The following TENT4B variants were observed in gnomAD, a reference collection of about 807,000 sequenced individuals.
TENT4B encodes terminal nucleotidyltransferase 4B, also known as PAP associated domain containing 5.
TENT4B carries 10 observed loss-of-function variants against 75.0 expected under a neutral mutation model. That is an observed-to-expected ratio of 0.13 (90% CI 0.08 to 0.23). The LOEUF (loss-of-function observed/expected upper bound fraction) is 0.23. Among genes scored for constraint, TENT4B ranks in the 10% least tolerant of loss-of-function variants. The pLI is 1.00. For missense variants in TENT4B, 579 were observed against 893.8 expected (o/e 0.65, Z 4.49); for synonymous variants, 350 against 357.7 (o/e 0.98, Z 0.24).
chr16:50,229,115 A>G (rs765646480), intron 11 of TENT4B, 37 bp from the exon 12 acceptor site: 12 of 1,606,600 alleles, frequency 7.5e-6, no homozygotes. Flanking sequence ...CTTTTCTGCA[A>G]TACTGATGTC....
chr16:50,153,773 GCA>G lies in TENT4B; in HGVS notation c.153_154del (p.Ser51ArgfsTer165). 8.7e-7 allele frequency: 1 copy of G among 1,146,440 alleles called. No homozygotes were observed. The highest frequency in any genetic ancestry group is 4.6e-5 in the Admixed American group (1 of 21,608). The allele number at this position is 1,146,440 out of a possible 1,614,324, so 71.0% of individuals were successfully genotyped here. A position where few individuals can be genotyped will look rare whatever the true frequency, so the allele number is the denominator to read the frequency against. ...GGCGGCGCGAGCGGCGGCGGCGGCAGCAGCAGCAGCAGCAGCACGGCCACCGG... is the reference window on the plus strand; with the variant it reads ...GGCGGCGCGAGCGGCGGCGGCGGCAGGCAGCAGCAGCAGCACGGCCACCGG... On this transcript the variant is annotated frameshift_variant, in exon 1 of 12. Transcript: ENST00000561678. LOFTEE classifies it high-confidence loss of function.
At chr16:50,154,456 A>C in intron 1 of TENT4B, among the ~76,000 whole-genome samples, 197 bp downstream of exon 1, 1 of 143,426 alleles carries the variant, frequency 7.0e-6, no homozygotes, top group Non-Finnish European at 1.5e-5. Flanking sequence ...TTAGCCGTCC[A>C]CACCCTCCGT....
chr16:50,215,999 GTC>G, intron 3 of TENT4B, 74 bp from the exon 4 acceptor site: 3 of 1,561,780 alleles, frequency 1.9e-6, no homozygotes, highest in Non-Finnish European at 8.8e-7. Context: ...TACTAATGAA[GTC>G]TATAAGCATG....
chr16:50,222,193 A>G (rs979222316), intron 5 of TENT4B, 113 bp from the exon 6 acceptor site: 2 of 939,080 alleles, frequency 2.1e-6, no homozygotes, highest in African/African-American at 1.7e-5. Context: ...AAAATTAAGT[A>G]TGTTGTATAT....
In TENT4B at chr16:50,194,174, CT is replaced by C. The variant is rs200158672; in HGVS notation, c.639-17148del. Among the ~76,000 whole-genome samples, 15 of 151,000 alleles carry C rather than the reference CT, an allele frequency of 9.9e-5. No individual in the cohort carries two copies. In the East Asian group the frequency reaches 2.9e-3, roughly 29 times the overall value. On this transcript the variant is annotated intron_variant, in intron 1 of 11. Coordinates refer to ENST00000561678, the MANE Select transcript of TENT4B (RefSeq NM_001365324.3). Reference sequence around the variant, plus strand: ...TTTTTCTCTTTTGAGATAGTATCTTCTCTCTCTTTTCTTTTTTCTGTTCTTT... The same window carrying C: ...TTTTTCTCTTTTGAGATAGTATCTTCCTCTCTTTTCTTTTTTCTGTTCTTT...
At chr16:50,194,590 G>T (rs1231648485) in intron 1 of TENT4B, among the ~76,000 whole-genome samples, 1 of 151,036 alleles carries the variant, frequency 6.6e-6, no homozygotes, top group Non-Finnish European at 1.5e-5. Context: ...TTGCTCTGTT[G>T]CCCAGGCTGA....
At position 50,229,675 on chromosome 16, in the gene TENT4B, G is replaced by A. The variant is rs2032213889; in HGVS notation, c.*347G>A. ...TTATAGGGAATAGTATTCAGTGTTG[G>A]TAGGGTGATAGAAACAAAAAACAGT... On this transcript the variant is annotated 3_prime_UTR_variant, in exon 12 of 12. Coordinates refer to ENST00000561678, the MANE Select transcript of TENT4B (RefSeq NM_001365324.3). 2.0e-6 allele frequency: 2 copies of A among 1,004,218 alleles called. No individual in the cohort carries two copies. The highest frequency in any genetic ancestry group is 1.2e-4 in the Admixed American group (2 of 16,720). The allele number at this position is 1,004,218 out of a possible 1,614,324, so 62.2% of individuals were successfully genotyped here. A position where few individuals can be genotyped will look rare whatever the true frequency, so the allele number is the denominator to read the frequency against.
intron 1 of TENT4B, among the ~76,000 whole-genome samples, chr16:50,168,467 ATTTTTTTT>A (rs61664898): frequency 2.4e-5 from 3 of 123,362 alleles, no homozygotes; most frequent in Non-Finnish European, 5.1e-5. Flanking sequence ...CACCCAGCTA[ATTTTTTTT>A]TTTTTTTTTT....
intron 1 of TENT4B, among the ~76,000 whole-genome samples, chr16:50,180,764 G>A (rs370961605): frequency 1.8e-4 from 27 of 151,768 alleles, no homozygotes; most frequent in South Asian, 1.7e-3. Flanking sequence ...GCCCAAAGGC[G>A]CTATTAAACT....
Position 50,186,983 on chromosome 16 carries a change from A to G in TENT4B, c.639-24340A>G, listed in dbSNP as rs2038540697. The stretch of plus-strand genomic sequence containing the variant: ...ACTTTGTTGCCCAGGCTGGTCTTGA[A>G]CTCCTGGCTTCAAGCAATCCTCCTA... On this transcript the variant is annotated intron_variant, in intron 1 of 11. Coordinates refer to ENST00000561678, the MANE Select transcript of TENT4B (RefSeq NM_001365324.3). Among the ~76,000 whole-genome samples, 4 of 150,590 alleles carry G rather than the reference A, an allele frequency of 2.7e-5. No individual in the cohort carries two copies. In the South Asian group the frequency reaches 8.4e-4, roughly 32 times the overall value.
At chr16:50,214,336 A>G (rs2031439395) in intron 3 of TENT4B, 69 bp downstream of exon 3, 2 of 1,268,816 alleles carry the variant, frequency 1.6e-6, no homozygotes, top group Non-Finnish European at 2.2e-6. Flanking sequence ...TCAAATTTGT[A>G]AGGAGTAGAA....
chr16:50,182,890 C>CTTTTTTTT, intron 1 of TENT4B, among the ~76,000 whole-genome samples: 1 of 8,266 alleles, frequency 1.2e-4, no homozygotes, highest in South Asian at 5.8e-3. Context: ...TTTTATTTTA[C>CTTTTTTTT]CTTTTTTTTT....
chr16:50,194,995 T>C (rs2541559), intron 1 of TENT4B, among the ~76,000 whole-genome samples: 101,062 of 151,626 alleles, frequency 0.67, 35,561 homozygotes, highest in Non-Finnish European at 0.76. Flanking sequence ...GTGATCCGCC[T>C]GCCTCGGCCT....
In TENT4B at chr16:50,234,870, G is replaced by C. The variant is rs905675388; in HGVS notation, c.*5542G>C. On this transcript the variant is annotated 3_prime_UTR_variant, in exon 12 of 12. Coordinates refer to ENST00000561678, the MANE Select transcript of TENT4B (RefSeq NM_001365324.3). Reference sequence around the variant, plus strand: ...TAGATAACGTGTATTTAGAAACTTTGGTGAAGCCAGTATTTGTTTTTAGTA... The same window carrying C: ...TAGATAACGTGTATTTAGAAACTTTCGTGAAGCCAGTATTTGTTTTTAGTA... The C allele has an allele frequency of 4.1e-6, 4 of 985,598 alleles. No homozygotes were observed. The African/African-American group carries it at 7.0e-5, about 17-fold the overall frequency. The allele number at this position is 985,598 out of a possible 1,614,324, so 61.1% of individuals were successfully genotyped here. A position where few individuals can be genotyped will look rare whatever the true frequency, so the allele number is the denominator to read the frequency against.
At chr16:50,205,341 G>A (rs1032925096) in intron 1 of TENT4B, among the ~76,000 whole-genome samples, 4 of 151,976 alleles carry the variant, frequency 2.6e-5, no homozygotes, top group Non-Finnish European at 5.9e-5. Flanking sequence ...TGTTTCAAAA[G>A]TGGACAAATA....
At chr16:50,189,062 C>T (rs1259292006) in intron 1 of TENT4B, among the ~76,000 whole-genome samples, 4 of 152,046 alleles carry the variant, frequency 2.6e-5, no homozygotes, top group African/African-American at 7.2e-5. Flanking sequence ...GCTGGTGATC[C>T]GTATCTTTTT....
rs1218593097 is a variant in TENT4B, at chr16:50,153,934, C to T, written c.313C>T (p.Pro105Ser). 15 of 1,531,448 alleles carry T rather than the reference C, an allele frequency of 9.8e-6. No individual in the cohort carries two copies. The East Asian group carries it at 1.5e-4, about 15-fold the overall frequency. The allele number at this position is 1,531,448 out of a possible 1,614,324, so 94.9% of individuals were successfully genotyped here. The part of the protein sequence containing the change: ...ALPAEQRDFL[P>S]LETTNNNNNH... ...GCCCGCGGAGCAGCGGGACTTCCTG[C>T]CCCTAGAGACGACCAACAACAACAA... Residue 105 changes from proline to serine, a missense_variant, in exon 1 of 12, where the codon CCC (proline) becomes TCC (serine). This residue lies in a region of TENT4B where 253 missense variants were observed against 270.1 expected (regional missense o/e 0.94). Coordinates refer to ENST00000561678, the MANE Select transcript of TENT4B (RefSeq NM_001365324.3).
At chr16:50,204,026 C>T (rs1450533259) in intron 1 of TENT4B, among the ~76,000 whole-genome samples, 3 of 152,154 alleles carry the variant, frequency 2.0e-5, no homozygotes, top group African/African-American at 7.2e-5. Context: ...AAAAGCAAGG[C>T]GTGCCCTGGT....
rs572899708 is a variant in TENT4B, at chr16:50,162,058, A to G, written c.638+7799A>G. 1.2e-4 allele frequency among the ~76,000 whole-genome samples: 18 copies of G among 152,320 alleles called. No homozygotes were observed. The South Asian group carries it at 3.7e-3, about 32-fold the overall frequency. On this transcript the variant is annotated intron_variant, in intron 1 of 11. Coordinates refer to ENST00000561678, the MANE Select transcript of TENT4B (RefSeq NM_001365324.3). ...TGTTATATAAATGGAATCATACAGA[A>G]TGTAACTTTGGCTTTTTTTCTTTTA... is the stretch of plus-strand genomic sequence containing the variant.
Sources: gnomAD v4.1 joint callset for allele counts (sites outside exome capture counted in the v4.1 genomes callset) on GRCh38, gnomAD v4.1.1 for gene constraint, gnomAD v4.1.1 regional missense constraint, MANE v1.5 for transcripts, NCBI Gene and HGNC (gene_info 2026-07-23, HGNC 2026-07-21) for gene names.